AGAP1: variants seen among roughly 807,000 people sequenced by gnomAD.
The protein encoded by AGAP1 is arf-GAP with GTPase, ANK repeat and PH domain-containing protein 1.
In AGAP1, 29 loss-of-function variants were observed where a neutral mutation model predicts 105.3. That is an observed-to-expected ratio of 0.28 (90% CI 0.21 to 0.38). The LOEUF is 0.38. Among genes scored for constraint, AGAP1 ranks in the 10% least tolerant of loss-of-function variants. The pLI, the probability that AGAP1 is intolerant of heterozygous loss-of-function variation, is 1.00. For missense variants in AGAP1, 998 were observed against 1,165.1 expected (o/e 0.86, Z 2.09); for synonymous variants, 509 against 485.9 (o/e 1.05, Z -0.63).
At chr2:235,565,941 A>G (rs1944332806) in intron 1 of AGAP1, among the ~76,000 whole-genome samples, 1 of 152,186 alleles carries the variant, frequency 6.6e-6, no homozygotes. Flanking sequence ...TTGCCACTAA[A>G]CTATTGTTTT....
Position 235,556,648 on chromosome 2 carries a change from T to TA in AGAP1, c.163+61802dup, listed in dbSNP as rs1298164040. Among the ~76,000 whole-genome samples the TA allele has an allele frequency of 1.3e-5, 2 of 152,238 alleles. No homozygotes were observed. Among genetic ancestry groups the TA allele is most frequent in the Non-Finnish European group, 2.9e-5 (2 of 68,046 alleles). ...GTTCCCTCTCTCCCCTATGTGCAAG[T>TA]AAATAACATGCTACTATATGTAAAT... On this transcript the variant is annotated intron_variant, in intron 1 of 17. Transcript: ENST00000304032. This position sits in a 1 kb window ranked among gnomAD's most constrained non-coding sequence, Gnocchi z 5.3.
Position 236,040,930 on chromosome 2 carries a change from C to A in AGAP1, c.1891+89C>A. 1.5e-6 allele frequency: 2 copies of A among 1,334,850 alleles called. No individual in the cohort carries two copies. The highest frequency in any genetic ancestry group is 2.1e-6 in the Non-Finnish European group (2 of 938,508). 82.7% of individuals were successfully genotyped at this position (1,334,850 alleles called of 1,614,324 possible). A position where few individuals can be genotyped will look rare whatever the true frequency, so the allele number is the denominator to read the frequency against. On this transcript the variant is annotated intron_variant, in intron 15 of 17. Transcript: ENST00000304032. The surrounding 1 kb of genome is among the most constrained non-coding windows in gnomAD (Gnocchi z 5.6). ...GGCCCGGGTTGCAGGGGACTCACAT[C>A]TGTCCTGTTTGGCAGATAAGAGTTA...
rs549592604 is a variant in AGAP1 at position 235,957,676 on chromosome 2, A to G, written c.1484-10786A>G. Reference sequence around the variant, plus strand: ...GATGTTGTGATTTCCTTGGATGGCAAAGGTGGCCTGTTCTTTATTTACCGG... The same window carrying G: ...GATGTTGTGATTTCCTTGGATGGCAGAGGTGGCCTGTTCTTTATTTACCGG... On this transcript the variant is annotated intron_variant, in intron 12 of 17. Coordinates refer to ENST00000304032, the MANE Select transcript of AGAP1 (RefSeq NM_001037131.3). This position sits in a 1 kb window ranked among gnomAD's most constrained non-coding sequence, Gnocchi z 4.6. Among the ~76,000 whole-genome samples, 1 of 152,200 alleles carries G rather than the reference A, an allele frequency of 6.6e-6. No homozygotes were observed. Among genetic ancestry groups the G allele is most frequent in the Non-Finnish European group, 1.5e-5 (1 of 68,024 alleles).
chr2:236,007,327 A>G (rs1053868467), intron 13 of AGAP1, among the ~76,000 whole-genome samples: 1 of 152,236 alleles, frequency 6.6e-6, no homozygotes, highest in African/African-American at 2.4e-5. Context: ...GATGGCTTAC[A>G]TATAAGAGGA....
At chr2:236,024,703 A>G (rs1351731455) in intron 13 of AGAP1, among the ~76,000 whole-genome samples, 1 of 152,254 alleles carries the variant, frequency 6.6e-6, no homozygotes, top group African/African-American at 2.4e-5. Flanking sequence ...TCCTTGTGAA[A>G]TCAGTCTGAT....
chr2:235,709,520 G>C (rs1288947923), intron 2 of AGAP1, among the ~76,000 whole-genome samples: 1 of 146,766 alleles, frequency 6.8e-6, no homozygotes, highest in Admixed American at 6.8e-5. Flanking sequence ...ACATCTCGTG[G>C]GTGTGTGTGT....
At chr2:235,814,482 G>A (rs1375084207) in intron 9 of AGAP1, among the ~76,000 whole-genome samples, 1 of 152,184 alleles carries the variant, frequency 6.6e-6, no homozygotes, top group Non-Finnish European at 1.5e-5. Flanking sequence ...TTTCTTATCA[G>A]ATTTGATCAA....
At chr2:235,995,760 A>G (rs964294852) in intron 13 of AGAP1, among the ~76,000 whole-genome samples, 1 of 152,174 alleles carries the variant, frequency 6.6e-6, no homozygotes, top group Non-Finnish European at 1.5e-5. Flanking sequence ...GCCATACTCT[A>G]GATGCATCAC....
Position 235,723,782 on chromosome 2 carries a change from G to GTTGA in AGAP1, c.310+6141_310+6142insATTG, listed in dbSNP as rs1553614570. ...GCTTTTATCGTTGGTTGGTTGGTTG[G>GTTGA]TTGGTTGGTTGGTTGGTTGGTCGAT... On this transcript the variant is annotated intron_variant, in intron 3 of 17. Transcript: ENST00000304032. The surrounding 1 kb of genome is among the most constrained non-coding windows in gnomAD (Gnocchi z 6.2). 6.8e-6 allele frequency among the ~76,000 whole-genome samples: 1 copy of GTTGA among 146,394 alleles called. No individual in the cohort carries two copies. The highest frequency in any genetic ancestry group is 1.6e-5 in the Non-Finnish European group (1 of 63,912).
chr2:235,629,863 CA>C (rs10691632), intron 1 of AGAP1, among the ~76,000 whole-genome samples: 4,639 of 95,606 alleles, frequency 0.049, 151 homozygotes, highest in African/African-American at 0.15. Flanking sequence ...GACCCTGTCT[CA>C]AAAAAAAAAA....
chr2:235,865,728 C>G lies in AGAP1; in HGVS notation c.1051-17617C>G, dbSNP rs888544852. 6.6e-6 allele frequency among the ~76,000 whole-genome samples: 1 copy of G among 152,108 alleles called. No individual in the cohort carries two copies. Among genetic ancestry groups the G allele is most frequent in the South Asian group, 2.1e-4 (1 of 4,826 alleles). ...CAGTTAAGGGGGGATTCCTGCTGTT[C>G]CTATGGAAACACTTTAAACTAGAGA... On this transcript the variant is annotated intron_variant, in intron 9 of 17. Transcript: ENST00000304032. The surrounding 1 kb of genome is among the most constrained non-coding windows in gnomAD (Gnocchi z 6.2).
rs1946532188 is a variant in AGAP1, at chr2:235,622,950, A to G, written c.164-86229A>G. On this transcript the variant is annotated intron_variant, in intron 1 of 17. Coordinates refer to ENST00000304032, the MANE Select transcript of AGAP1 (RefSeq NM_001037131.3). This position sits in a 1 kb window ranked among gnomAD's most constrained non-coding sequence, Gnocchi z 5.0. ...CGTCCCCAGCTATTCCCACCTGCAC[A>G]CTGGAGGGAAGCAGGAGGGGAACAA... Among the ~76,000 whole-genome samples the G allele has an allele frequency of 6.6e-6, 1 of 152,058 alleles. No homozygotes were observed. Among genetic ancestry groups the G allele is most frequent in the Non-Finnish European group, 1.5e-5 (1 of 68,020 alleles).
intron 1 of AGAP1, among the ~76,000 whole-genome samples, chr2:235,558,986 G>A (rs2149131363): frequency 6.6e-6 from 1 of 152,088 alleles, no homozygotes; most frequent in East Asian, 1.9e-4. Context: ...ACGGTGGTGT[G>A]ATCTCTGCTC....
At chr2:235,805,788 C>T (rs1957806608) in intron 8 of AGAP1, among the ~76,000 whole-genome samples, 1 of 152,212 alleles carries the variant, frequency 6.6e-6, no homozygotes, top group Non-Finnish European at 1.5e-5. Flanking sequence ...GTTTTATATT[C>T]TTCTGCAACT....
intron 10 of AGAP1, among the ~76,000 whole-genome samples, chr2:235,892,346 G>A (rs1329287082): frequency 6.6e-6 from 1 of 152,014 alleles, no homozygotes; most frequent in Non-Finnish European, 1.5e-5. Context: ...GAGTGGCTTG[G>A]ACTCTCCTGC....
intron 13 of AGAP1, among the ~76,000 whole-genome samples, chr2:236,004,079 G>A (rs546890386): frequency 1.3e-5 from 2 of 152,260 alleles, no homozygotes; most frequent in South Asian, 2.1e-4. Context: ...TTAGCACAGT[G>A]TATTCTGGAT....
intron 9 of AGAP1, among the ~76,000 whole-genome samples, chr2:235,841,103 G>A (rs1164592830): frequency 6.6e-6 from 1 of 152,166 alleles, no homozygotes; most frequent in African/African-American, 2.4e-5. Flanking sequence ...GGGAAATGAT[G>A]GAGCAGAAGC....
rs746803274 is a variant in AGAP1, at chr2:236,073,049, G to A, written c.2114+23768G>A. On this transcript the variant is annotated intron_variant, in intron 16 of 17. Transcript: ENST00000304032. This position sits in a 1 kb window ranked among gnomAD's most constrained non-coding sequence, Gnocchi z 5.4. ...TCTCGCTGTGTCTCCAGGCTGGAGT[G>A]CAGTGGTGCAATCTCAGCTCACTGC... Among the ~76,000 whole-genome samples the A allele has an allele frequency of 2.0e-5, 3 of 151,534 alleles. No individual in the cohort carries two copies. Among genetic ancestry groups the A allele is most frequent in the Non-Finnish European group, 4.4e-5 (3 of 67,938 alleles).
At chr2:235,749,579 C>A (rs767912932) in intron 5 of AGAP1, among the ~76,000 whole-genome samples, 1 of 152,004 alleles carries the variant, frequency 6.6e-6, no homozygotes, top group Non-Finnish European at 1.5e-5. Flanking sequence ...CTAGGCCTCA[C>A]CCCTACATCT....
Sources: allele counts gnomAD v4.1 joint callset (sites outside exome capture counted in the v4.1 genomes callset), GRCh38; gene constraint gnomAD v4.1.1; non-coding constraint Gnocchi (gnomAD v3.1); transcripts MANE v1.5; gene names NCBI Gene and HGNC (gene_info 2026-07-23, HGNC 2026-07-21).